The following ARHGEF12 variants were observed in gnomAD, a reference collection of about 807,000 sequenced individuals.
The protein encoded by ARHGEF12 is KMT2A/ARHGEF12 fusion protein.
Under a neutral mutation model 211.2 loss-of-function variants are expected in ARHGEF12, and 66 were observed. The ratio of observed to expected loss-of-function variants is 0.31; its 90% confidence interval spans 0.26 to 0.38. The LOEUF is 0.38. Ranked by LOEUF, ARHGEF12 falls within the 10% of genes least tolerant of loss-of-function variation. The probability of loss-of-function intolerance (pLI) is 1.00; values close to 1 mark genes in which losing one functional copy is unlikely to be tolerated. For missense variants in ARHGEF12, 1,429 were observed against 1,869.5 expected (o/e 0.76, Z 4.34); for synonymous variants, 592 against 638.4 (o/e 0.93, Z 1.09).
chr11:120,361,219 A>C (rs1157192392), intron 1 of ARHGEF12, among the ~76,000 whole-genome samples: 2 of 152,190 alleles, frequency 1.3e-5, no homozygotes, highest in Non-Finnish European at 2.9e-5. Context: ...GTGAGCTGCC[A>C]GGGCGAAAGA....
chr11:120,474,664 G>A, intron 32 of ARHGEF12, 29 bp downstream of exon 32: 1 of 1,561,200 alleles, frequency 6.4e-7, no homozygotes, highest in Non-Finnish European at 8.7e-7. Flanking sequence ...TTTAGTTTTG[G>A]GGAGAGTGGC....
chr11:120,365,358 G>C (rs1943394872), intron 1 of ARHGEF12, among the ~76,000 whole-genome samples: 1 of 152,140 alleles, frequency 6.6e-6, no homozygotes, highest in South Asian at 2.1e-4. Flanking sequence ...ATGAAAGACT[G>C]CTGGGAGATA....
In ARHGEF12 at chr11:120,407,822, A is replaced by G. The variant is rs369779709; in HGVS notation, c.141A>G (p.Thr47=). ...TTGCATCACATGATTTTGACCCCACAGGTAAAACACTATTCATTCTTTCAA... is the reference window on the plus strand; with the variant it reads ...TTGCATCACATGATTTTGACCCCACGGGTAAAACACTATTCATTCTTTCAA... ...ERIASHDFDP[T]DSSSKKTKSS... Residue 47 remains threonine (T), a splice_region_variant and synonymous_variant, in exon 3 of 41, where the codon ACA becomes ACG. Transcript: ENST00000397843. The G allele has an allele frequency of 6.8e-5, 109 of 1,612,270 alleles. No individual in the cohort carries two copies. The highest frequency in any genetic ancestry group is 8.7e-5 in the Non-Finnish European group (102 of 1,178,674).
intron 20 of ARHGEF12, 120 bp from the exon 21 acceptor site, chr11:120,448,989 G>A: frequency 2.6e-6 from 2 of 783,754 alleles, no homozygotes; most frequent in South Asian, 1.8e-5. Flanking sequence ...ATACACACGT[G>A]TACGGGTTTT....
intron 28 of ARHGEF12, among the ~76,000 whole-genome samples, chr11:120,466,242 G>C (rs1173194924): frequency 2.0e-5 from 3 of 152,236 alleles, no homozygotes; most frequent in African/African-American, 4.8e-5. Flanking sequence ...TAAGCTCACT[G>C]GTTGTTAGCA....
At chr11:120,482,832 G>A (rs1391590568) in intron 39 of ARHGEF12, among the ~76,000 whole-genome samples, 1 of 151,998 alleles carries the variant, frequency 6.6e-6, no homozygotes, top group Admixed American at 6.6e-5. Flanking sequence ...CCAGAGACTT[G>A]AGGGGTAGAT....
intron 1 of ARHGEF12, among the ~76,000 whole-genome samples, chr11:120,399,526 T>C (rs534144790): frequency 5.3e-4 from 81 of 152,090 alleles, no homozygotes; most frequent in South Asian, 2.7e-3. Flanking sequence ...GTTGGGCTTC[T>C]TTGTACTCAA....
chr11:120,485,918 A>G lies in ARHGEF12; in HGVS notation c.*841A>G, dbSNP rs1178636027. The G allele has an allele frequency of 4.3e-6, 1 of 233,500 alleles. No homozygotes were observed. Among genetic ancestry groups the G allele is most frequent in the African/African-American group, 2.2e-5 (1 of 45,346 alleles). 14.5% of individuals were successfully genotyped at this position (233,500 alleles called of 1,614,324 possible). On this transcript the variant is annotated 3_prime_UTR_variant, in exon 41 of 41. Transcript: ENST00000397843. The stretch of plus-strand genomic sequence containing the variant: ...TGGGATTTGGGTGGGAGAGGAAAGC[A>G]AATTTTATTTTCTTGACTATAAATT...
At position 120,487,355 on chromosome 11, in the gene ARHGEF12, T is replaced by C. The variant is rs779398029; in HGVS notation, c.*2278T>C. 1.4e-5 allele frequency: 3 copies of C among 218,968 alleles called. No individual in the cohort carries two copies. Among genetic ancestry groups the C allele is most frequent in the Non-Finnish European group, 2.7e-5 (3 of 109,262 alleles). 13.6% of individuals were successfully genotyped at this position (218,968 alleles called of 1,614,324 possible). ...TCTAGTACTTCCAAATAAATTCATA[T>C]CTAGATTTTCAAACAAAGCCCCAAG... is the stretch of plus-strand genomic sequence containing the variant. On this transcript the variant is annotated 3_prime_UTR_variant, in exon 41 of 41. Coordinates refer to ENST00000397843, the MANE Select transcript of ARHGEF12 (RefSeq NM_015313.3).
chr11:120,446,645 A>T, intron 17 of ARHGEF12, 137 bp downstream of exon 17: 2 of 723,962 alleles, frequency 2.8e-6, no homozygotes, highest in Non-Finnish European at 4.4e-6. Context: ...CATAATGAAC[A>T]TCTGGAGCCA....
chr11:120,440,163 G>A lies in ARHGEF12; in HGVS notation c.1034G>A (p.Arg345His), dbSNP rs202022560. ...TQSLVGSPST[R>H]IAPHIIGAED... ...TCACTTGTCGGAAGTCCCTCAACCCGTATAGCACCTCATATTATTGGAGCA... is the reference window on the plus strand; with the variant it reads ...TCACTTGTCGGAAGTCCCTCAACCCATATAGCACCTCATATTATTGGAGCA... The change falls in exon 13 of 41, where the codon CGT becomes CAT. Residue 345 changes from arginine to histidine, a missense_variant. This residue lies in a region of ARHGEF12 where 254 missense variants were observed against 286.4 expected (regional missense o/e 0.89). Transcript: ENST00000397843. 2.4e-5 allele frequency: 39 copies of A among 1,613,620 alleles called. No homozygotes were observed. Among genetic ancestry groups the A allele is most frequent in the East Asian group, 4.5e-5 (2 of 44,860 alleles).
intron 9 of ARHGEF12, 50 bp from the exon 10 acceptor site, chr11:120,429,662 T>A (rs1007163147): frequency 1.0e-5 from 16 of 1,581,710 alleles, no homozygotes; most frequent in Non-Finnish European, 1.3e-5. Context: ...TATTTCTGTA[T>A]CTTTTTTACA....
intron 11 of ARHGEF12, among the ~76,000 whole-genome samples, chr11:120,432,113 C>T (rs933648707): frequency 2.6e-5 from 4 of 152,130 alleles, no homozygotes; most frequent in African/African-American, 7.2e-5. Context: ...TTCCCTTGAA[C>T]ACCCATTGCC....
At position 120,447,078 on chromosome 11, in the gene ARHGEF12, G is replaced by T. The variant is rs1489457200; in HGVS notation, c.1582G>T (p.Glu528Ter). 1 of 1,614,012 alleles carries T rather than the reference G, an allele frequency of 6.2e-7. No homozygotes were observed. Among genetic ancestry groups the T allele is most frequent in the South Asian group, 1.1e-5 (1 of 91,012 alleles). The change falls in exon 18 of 41, where the codon GAA becomes TAA. Residue 528 changes from glutamate (E) to a stop codon, truncating the protein, a stop_gained. Coordinates refer to ENST00000397843, the MANE Select transcript of ARHGEF12 (RefSeq NM_015313.3). LOFTEE classifies it high-confidence loss of function. ...AGAACAGATTGTTGCCAAAATTGAA[G>T]AAGTATTGTAAGTAATAGAAGTATA... Reference protein sequence around the residue: ...CAEQIVAKIEEVLMTAQAVEE... With the variant: ...CAEQIVAKIE
intron 1 of ARHGEF12, among the ~76,000 whole-genome samples, chr11:120,400,916 G>A (rs117110285): frequency 0.012 from 1,832 of 152,236 alleles, 26 homozygotes; most frequent in Middle Eastern, 0.017. Context: ...TTTTGCACCA[G>A]AACTGAGCTC....
chr11:120,340,179 A>G (rs1016128713), intron 1 of ARHGEF12, among the ~76,000 whole-genome samples: 12 of 152,166 alleles, frequency 7.9e-5, no homozygotes, highest in African/African-American at 1.9e-4. Flanking sequence ...ATCGTTTCCA[A>G]TCCTCCTACA....
chr11:120,437,023 AG>A (rs1390343958), intron 11 of ARHGEF12, among the ~76,000 whole-genome samples: 2 of 152,148 alleles, frequency 1.3e-5, no homozygotes, highest in Non-Finnish European at 2.9e-5. Context: ...TGAGGTATGC[AG>A]TATATCTAAT....
chr11:120,402,815 C>T (rs950253420), intron 1 of ARHGEF12, among the ~76,000 whole-genome samples: 2 of 151,956 alleles, frequency 1.3e-5, no homozygotes, highest in African/African-American at 4.8e-5. Context: ...CAATTTCTAG[C>T]AGGCTATTTA....
chr11:120,470,045 T>C (rs959451209), intron 30 of ARHGEF12, among the ~76,000 whole-genome samples: 1 of 152,124 alleles, frequency 6.6e-6, no homozygotes, highest in Non-Finnish European at 1.5e-5. Flanking sequence ...GTGTGGATCA[T>C]GCCTAAAAAG....
Sources: gnomAD v4.1 joint callset for allele counts (sites outside exome capture counted in the v4.1 genomes callset) on GRCh38, gnomAD v4.1.1 for gene constraint, gnomAD v4.1.1 regional missense constraint, MANE v1.5 for transcripts, NCBI Gene and HGNC (gene_info 2026-07-23, HGNC 2026-07-21) for gene names.